The following MTUS2 variants were observed in gnomAD, a reference collection of about 807,000 sequenced individuals.
The protein encoded by MTUS2 is microtubule-associated tumor suppressor candidate 2.
In MTUS2, 40 loss-of-function variants were observed where a neutral mutation model predicts 114.1. That is an observed-to-expected ratio of 0.35 (90% CI 0.27 to 0.46). The LOEUF (loss-of-function observed/expected upper bound fraction) is 0.46. MTUS2 is among the 20% of genes least tolerant of loss of function. The pLI, the probability that MTUS2 is intolerant of heterozygous loss-of-function variation, is 1.00. For missense variants in MTUS2, 1,679 were observed against 1,705.4 expected, an observed-to-expected ratio of 0.98 and a Z score of 0.27; for synonymous variants, 688 against 672.0, an observed-to-expected ratio of 1.02 and a Z score of -0.37.
At chr13:28,872,780 A>G (rs1042932671) in intron 2 of MTUS2, among the ~76,000 whole-genome samples, 3 of 152,168 alleles carry the variant, frequency 2.0e-5, no homozygotes, top group Non-Finnish European at 2.9e-5. Context: ...TACCTCCAAC[A>G]TTTGGGATCA....
intron 7 of MTUS2, among the ~76,000 whole-genome samples, chr13:29,325,312 T>G (rs2138021592): frequency 6.6e-6 from 1 of 151,928 alleles, no homozygotes; most frequent in Non-Finnish European, 1.5e-5. Context: ...AAAAAATAGC[T>G]GGGTGTGATG....
chr13:29,498,458 A>G lies in MTUS2; in HGVS notation c.3719A>G (p.Lys1240Arg), dbSNP rs374145474. 3 of 1,614,110 alleles carry G rather than the reference A, an allele frequency of 1.9e-6. No homozygotes were observed. The African/African-American group carries it at 4.0e-5, about 22-fold the overall frequency. ...TATCAGCACTTGGAAGAAGACATGA[A>G]GAGTCTGAAGCAGGTATTAGAAATG... ...APYQHLEEDMKSLKQVLEMKN... is the reference protein window; with the variant it reads ...APYQHLEEDMRSLKQVLEMKN... Residue 1240 changes from lysine to arginine, a missense_variant, in exon 14 of 16, where the codon AAG (lysine) becomes AGG (arginine). Coordinates refer to ENST00000612955, the MANE Select transcript of MTUS2 (RefSeq NM_001033602.4).
chr13:29,285,775 A>G (rs1004134344), intron 6 of MTUS2, among the ~76,000 whole-genome samples: 1 of 152,238 alleles, frequency 6.6e-6, no homozygotes, highest in African/African-American at 2.4e-5. Flanking sequence ...TTACAAAAAA[A>G]TGTAAACATA....
intron 1 of MTUS2, among the ~76,000 whole-genome samples, chr13:28,836,018 TAAG>T (rs138128389): frequency 0.064 from 9,753 of 152,190 alleles, 423 homozygotes; most frequent in Admixed American, 0.11. Context: ...GGTTTATTAA[TAAG>T]GAGGAGTTAA....
At chr13:29,141,455 A>G (rs956017723) in intron 5 of MTUS2, among the ~76,000 whole-genome samples, 8 of 152,202 alleles carry the variant, frequency 5.3e-5, no homozygotes, top group African/African-American at 1.9e-4. Context: ...GGAGAGGTGC[A>G]GATAATTCAG....
At chr13:29,184,819 C>A (rs750397138) in intron 5 of MTUS2, among the ~76,000 whole-genome samples, 1 of 152,102 alleles carries the variant, frequency 6.6e-6, no homozygotes, top group African/African-American at 2.4e-5. Context: ...CAATTTATAT[C>A]ATTTAAAATG....
At chr13:29,383,706 C>T (rs550871024) in intron 8 of MTUS2, among the ~76,000 whole-genome samples, 16 of 152,078 alleles carry the variant, frequency 1.1e-4, no homozygotes, top group African/African-American at 3.6e-4. Context: ...CACGCAGAAG[C>T]CCGGCAAGAA....
chr13:29,061,434 A>G (rs1888412758), intron 4 of MTUS2, among the ~76,000 whole-genome samples: 1 of 152,176 alleles, frequency 6.6e-6, no homozygotes, highest in Non-Finnish European at 1.5e-5. Context: ...TTCTTTCCTC[A>G]AAAGTTGTTC....
At chr13:28,934,775 G>A (rs752674491) in intron 2 of MTUS2, among the ~76,000 whole-genome samples, 15 of 152,094 alleles carry the variant, frequency 9.9e-5, no homozygotes, top group Non-Finnish European at 1.8e-4. Context: ...TGGCCGCTTC[G>A]GCCTCTCAAA....
intron 5 of MTUS2, among the ~76,000 whole-genome samples, chr13:29,170,393 C>T (rs564624091): frequency 2.0e-5 from 3 of 152,176 alleles, no homozygotes; most frequent in African/African-American, 4.8e-5. Flanking sequence ...TAGAGCTTAA[C>T]GCCTATTCAG....
intron 5 of MTUS2, among the ~76,000 whole-genome samples, chr13:29,241,623 G>C (rs776608148): frequency 1.3e-5 from 2 of 152,134 alleles, no homozygotes; most frequent in Non-Finnish European, 2.9e-5. Context: ...TGCTACATTT[G>C]ATTGCATTTG....
chr13:29,450,977 C>G (rs1157463744), intron 9 of MTUS2, among the ~76,000 whole-genome samples: 1 of 152,080 alleles, frequency 6.6e-6, no homozygotes, highest in African/African-American at 2.4e-5. Context: ...GAGAAATAGA[C>G]AAATCTACAG....
At chr13:28,961,392 A>AC (rs1254618629) in intron 2 of MTUS2, among the ~76,000 whole-genome samples, 1 of 152,198 alleles carries the variant, frequency 6.6e-6, no homozygotes, top group Non-Finnish European at 1.5e-5. Flanking sequence ...CATAGAAATG[A>AC]CACCTTATCT....
chr13:29,131,871 T>C (rs564294050), intron 5 of MTUS2, among the ~76,000 whole-genome samples: 5 of 152,388 alleles, frequency 3.3e-5, no homozygotes, highest in Middle Eastern at 3.4e-3. Context: ...TCCAGAGACG[T>C]TGATGATGAC....
intron 2 of MTUS2, among the ~76,000 whole-genome samples, chr13:29,017,073 A>C (rs1442113917): frequency 6.6e-6 from 1 of 152,224 alleles, no homozygotes; most frequent in Non-Finnish European, 1.5e-5. Context: ...TTACCAGGAG[A>C]CTTTCAGATG....
intron 2 of MTUS2, among the ~76,000 whole-genome samples, chr13:28,988,354 C>T (rs1407435): frequency 0.44 from 67,177 of 152,040 alleles, 15,388 homozygotes; most frequent in East Asian, 0.68. Context: ...GCTATGTCAT[C>T]ATGTCTTTGT....
intron 8 of MTUS2, among the ~76,000 whole-genome samples, chr13:29,431,715 T>C (rs1388056541): frequency 6.6e-6 from 1 of 152,210 alleles, no homozygotes; most frequent in Non-Finnish European, 1.5e-5. Context: ...GAAAGGTCTT[T>C]TAGCCTCATT....
chr13:29,018,163 A>G (rs1009118742), intron 2 of MTUS2, among the ~76,000 whole-genome samples: 42 of 152,154 alleles, frequency 2.8e-4, no homozygotes, highest in Non-Finnish European at 4.4e-5. Context: ...GGGTAGGAGG[A>G]TGATTTTACA....
chr13:29,157,820 G>GATA (rs1892926332), intron 5 of MTUS2, among the ~76,000 whole-genome samples: 2 of 115,372 alleles, frequency 1.7e-5, no homozygotes, highest in Non-Finnish European at 4.5e-5. Context: ...AGATATAGAT[G>GATA]TAGATATAGA....
Sources: gnomAD v4.1 joint callset for allele counts (sites outside exome capture counted in the v4.1 genomes callset) on GRCh38, gnomAD v4.1.1 for gene constraint, MANE v1.5 for transcripts, NCBI Gene and HGNC (gene_info 2026-07-23, HGNC 2026-07-21) for gene names.